The following RUFY2 variants were observed in gnomAD, a reference collection of about 807,000 sequenced individuals.
RUFY2 encodes the protein RUN and FYVE domain-containing protein 2.
Under a neutral mutation model 94.4 loss-of-function variants are expected in RUFY2, and 49 were observed. The ratio of observed to expected loss-of-function variants is 0.52; its 90% confidence interval spans 0.41 to 0.66. The LOEUF is 0.66. RUFY2 is among the 30% of genes least tolerant of loss of function. The pLI, the probability that RUFY2 is intolerant of heterozygous loss-of-function variation, is 0.00. For missense variants in RUFY2, 541 were observed against 692.8 expected (o/e 0.78, Z 2.46); for synonymous variants, 255 against 235.7 (o/e 1.08, Z -0.75).
At chr10:68,382,174 G>A (rs552894599) in intron 10 of RUFY2, among the ~76,000 whole-genome samples, 22 of 150,394 alleles carry the variant, frequency 1.5e-4, no homozygotes, top group South Asian at 1.1e-3. Flanking sequence ...TCAGCCTCCC[G>A]AGTAGGTGGG....
At chr10:68,391,788 C>T (rs377699899) in intron 7 of RUFY2, among the ~76,000 whole-genome samples, 47 of 151,666 alleles carry the variant, frequency 3.1e-4, no homozygotes, top group African/African-American at 1.1e-3. Flanking sequence ...GGTGAAACCC[C>T]GTTTCTACTA....
intron 16 of RUFY2, among the ~76,000 whole-genome samples, chr10:68,350,938 C>T (rs1284069532): frequency 2.6e-5 from 4 of 151,402 alleles, no homozygotes; most frequent in Non-Finnish European, 4.4e-5. Flanking sequence ...CTCGAACTCC[C>T]GACCTCAGGT....
At chr10:68,353,226 G>A (rs954705221) in intron 16 of RUFY2, among the ~76,000 whole-genome samples, 1 of 151,818 alleles carries the variant, frequency 6.6e-6, no homozygotes, top group Non-Finnish European at 1.5e-5. Context: ...AGCTACTCGG[G>A]AGGCTGAAGC....
At chr10:68,357,970 T>C (rs781615688) in intron 15 of RUFY2, among the ~76,000 whole-genome samples, 2 of 152,032 alleles carry the variant, frequency 1.3e-5, no homozygotes, top group Non-Finnish European at 2.9e-5. Flanking sequence ...GGGAGATCAC[T>C]TGAGGTCAGG....
At chr10:68,374,311 A>G (rs1275625584) in intron 13 of RUFY2, among the ~76,000 whole-genome samples, 3 of 152,126 alleles carry the variant, frequency 2.0e-5, no homozygotes, top group Admixed American at 2.0e-4. Flanking sequence ...ATAAAGGTAG[A>G]CTGAAAATTA....
At chr10:68,404,629 G>A (rs749902204) in intron 2 of RUFY2, 42 bp downstream of exon 2, 25 of 1,421,266 alleles carry the variant, frequency 1.8e-5, no homozygotes, top group East Asian at 1.0e-4. Context: ...CTTGAAAAAC[G>A]GAAATTCTAA....
chr10:68,407,101 C>G, intron 1 of RUFY2, 85 bp downstream of exon 1: 2 of 1,515,906 alleles, frequency 1.3e-6, no homozygotes, highest in Non-Finnish European at 1.8e-6. Context: ...CGGCGTCTCC[C>G]CCAGCTCCCA....
At chr10:68,400,452 G>A (rs1005551559) in intron 3 of RUFY2, among the ~76,000 whole-genome samples, 3 of 151,872 alleles carry the variant, frequency 2.0e-5, no homozygotes, top group East Asian at 2.0e-4. Flanking sequence ...CAAGGCGGGC[G>A]GATCACAAGG....
chr10:68,393,874 C>T, intron 6 of RUFY2: 6 of 1,187,350 alleles, frequency 5.1e-6, no homozygotes, highest in Non-Finnish European at 5.5e-6. Flanking sequence ...CCACTTCATA[C>T]TATTAATAAA....
At chr10:68,393,991 C>A (rs750539981) in intron 6 of RUFY2, 84 bp downstream of exon 6, 9 of 1,437,012 alleles carry the variant, frequency 6.3e-6, no homozygotes, top group Non-Finnish European at 8.3e-6. Flanking sequence ...AATAAAACCA[C>A]ACTGTAAATA....
At chr10:68,379,085 G>T (rs775067234) in intron 12 of RUFY2, 1 of 266,154 alleles carries the variant, frequency 3.8e-6, no homozygotes, top group Non-Finnish European at 7.0e-6. Context: ...AATATGCATG[G>T]AAATCAATCA....
rs75147977 is a variant in RUFY2 at position 68,401,820 on chromosome 10, T to G, written c.179-83A>C. The G allele has an allele frequency of 5.2e-4, 419 of 809,156 alleles. 2 individuals are homozygous for G. In the African/African-American group the frequency reaches 6.3e-3, roughly 12 times the overall value. The allele number at this position is 809,156 out of a possible 1,614,324, so 50.1% of individuals were successfully genotyped here. A position where few individuals can be genotyped will look rare whatever the true frequency, so the allele number is the denominator to read the frequency against. ...TTTTTAAATATTTAGTTTCAACATTTCTAACTTAACATACAATTATTCAGA... is the reference window on the plus strand; with the variant it reads ...TTTTTAAATATTTAGTTTCAACATTGCTAACTTAACATACAATTATTCAGA... On this transcript the variant is annotated intron_variant, in intron 2 of 17. Coordinates refer to ENST00000602465, the MANE Select transcript of RUFY2 (RefSeq NM_001330103.2).
chr10:68,387,557 A>T (rs2049601175), intron 7 of RUFY2, among the ~76,000 whole-genome samples: 1 of 152,226 alleles, frequency 6.6e-6, no homozygotes, highest in Non-Finnish European at 1.5e-5. Flanking sequence ...TTCATATTAA[A>T]TCATTTTTAA....
rs34115289 is a variant in RUFY2 at position 68,359,575 on chromosome 10, CTATA to C, written c.1550+4011_1550+4014del. 4.2e-5 allele frequency among the ~76,000 whole-genome samples: 6 copies of C among 141,374 alleles called. No individual in the cohort carries two copies. The East Asian group carries it at 8.2e-4, about 19-fold the overall frequency. 92.7% of individuals were successfully genotyped at this position (141,374 alleles called of 152,430 possible). On this transcript the variant is annotated intron_variant, in intron 15 of 17. Coordinates refer to ENST00000602465, the MANE Select transcript of RUFY2 (RefSeq NM_001330103.2). Reference sequence around the variant, plus strand: ...TATAAAAATATATATAGTAGTACTACTATATATAAATATACATAGTAGTAGTGCT... The same window carrying C: ...TATAAAAATATATATAGTAGTACTACTATAAATATACATAGTAGTAGTGCT...
intron 16 of RUFY2, among the ~76,000 whole-genome samples, chr10:68,350,764 G>C (rs1431296647): frequency 6.6e-6 from 1 of 151,818 alleles, no homozygotes; most frequent in Non-Finnish European, 1.5e-5. Flanking sequence ...CCAGGCTGGA[G>C]TGCAATGGCA....
intron 4 of RUFY2, 125 bp from the exon 5 acceptor site, chr10:68,394,576 T>G: frequency 1.7e-6 from 1 of 583,292 alleles, no homozygotes; most frequent in East Asian, 2.9e-5. Flanking sequence ...GTTAGGTGCC[T>G]TCAAATTAGC....
intron 11 of RUFY2, among the ~76,000 whole-genome samples, chr10:68,380,723 G>A (rs930506965): frequency 2.0e-5 from 3 of 151,924 alleles, no homozygotes; most frequent in Non-Finnish European, 1.5e-5. Flanking sequence ...TTAGCCGGGC[G>A]TATTGGTATA....
intron 12 of RUFY2, 42 bp downstream of exon 12, chr10:68,379,382 A>G (rs771417899): frequency 7.1e-7 from 1 of 1,404,678 alleles, no homozygotes; most frequent in African/African-American, 1.5e-5. Flanking sequence ...GAAAAAGGGA[A>G]GAAGAAAAGA....
chr10:68,353,321 A>G (rs1243352055), intron 16 of RUFY2, among the ~76,000 whole-genome samples: 3 of 145,588 alleles, frequency 2.1e-5, no homozygotes, highest in Non-Finnish European at 1.5e-5. Flanking sequence ...ACAGAGCGAG[A>G]CCCTGTCTCG....
Sources: gnomAD v4.1 joint callset for allele counts (sites outside exome capture counted in the v4.1 genomes callset) on GRCh38, gnomAD v4.1.1 for gene constraint, MANE v1.5 for transcripts, NCBI Gene and HGNC (gene_info 2026-07-23, HGNC 2026-07-21) for gene names.